The following NRXN3 variants were observed in gnomAD, a reference collection of about 807,000 sequenced individuals.
NRXN3 encodes the protein neurexin 3.
Under a neutral mutation model 137.6 loss-of-function variants are expected in NRXN3, and 32 were observed. That is an observed-to-expected ratio of 0.23 (90% CI 0.18 to 0.31). NRXN3 has a LOEUF of 0.31. Among genes scored for constraint, NRXN3 ranks in the 10% least tolerant of loss-of-function variants. The pLI is 1.00. For missense variants in NRXN3, 1,574 were observed against 2,062.5 expected (o/e 0.76, Z 4.59); for synonymous variants, 798 against 784.5 (o/e 1.02, Z -0.29).
intron 5 of NRXN3, 94 bp downstream of exon 5, chr14:78,645,515 G>A: frequency 9.2e-7 from 1 of 1,086,212 alleles, no homozygotes; most frequent in Non-Finnish European, 1.3e-6. Flanking sequence ...GGTGGAGAGG[G>A]GTGGAGATTC....
At chr14:79,777,906 A>T (rs909554246) in intron 19 of NRXN3, among the ~76,000 whole-genome samples, 1 of 152,078 alleles carries the variant, frequency 6.6e-6, no homozygotes, top group African/African-American at 2.4e-5. Flanking sequence ...TTAACTATTT[A>T]CTATAGCTAC....
intron 16 of NRXN3, among the ~76,000 whole-genome samples, chr14:79,472,945 G>T (rs2096527690): frequency 6.6e-6 from 1 of 152,138 alleles, no homozygotes; most frequent in Non-Finnish European, 1.5e-5. Context: ...TTAATGCTGA[G>T]TGTAAAAAAG....
At chr14:79,106,394 C>T (rs897139838) in intron 15 of NRXN3, among the ~76,000 whole-genome samples, 5 of 151,968 alleles carry the variant, frequency 3.3e-5, no homozygotes, top group Admixed American at 2.0e-4. Flanking sequence ...AGAAGAACTG[C>T]TTTACCCAAG....
intron 8 of NRXN3, among the ~76,000 whole-genome samples, chr14:78,777,391 G>T (rs1292522011): frequency 6.6e-6 from 1 of 152,142 alleles, no homozygotes; most frequent in Non-Finnish European, 1.5e-5. Context: ...GTCGCATGCT[G>T]AGTGACTTGT....
intron 1 of NRXN3, among the ~76,000 whole-genome samples, chr14:78,211,316 G>C (rs2062720459): frequency 6.6e-6 from 1 of 152,204 alleles, no homozygotes; most frequent in African/African-American, 2.4e-5. Context: ...ACACAGAAGG[G>C]GGATGAAGGG....
At chr14:78,390,887 G>A (rs2090661514) in intron 4 of NRXN3, among the ~76,000 whole-genome samples, 1 of 152,072 alleles carries the variant, frequency 6.6e-6, no homozygotes, top group Admixed American at 6.5e-5. Flanking sequence ...CCCATCACTA[G>A]GTATTAAGCC....
intron 16 of NRXN3, among the ~76,000 whole-genome samples, chr14:79,525,081 G>C (rs542199321): frequency 2.6e-5 from 4 of 152,252 alleles, no homozygotes; most frequent in Admixed American, 2.6e-4. Context: ...AGGGAAATTG[G>C]AGTAATATTT....
chr14:79,257,837 A>G (rs1308920629), intron 15 of NRXN3, among the ~76,000 whole-genome samples: 1 of 151,960 alleles, frequency 6.6e-6, no homozygotes, highest in Non-Finnish European at 1.5e-5. Context: ...TTCCTGTAAA[A>G]TTATTGTATT....
chr14:78,383,293 G>C (rs539436970), intron 4 of NRXN3, among the ~76,000 whole-genome samples: 2 of 152,192 alleles, frequency 1.3e-5, no homozygotes, highest in East Asian at 3.9e-4. Context: ...TGCTCATTTC[G>C]TTATGGAAAA....
intron 19 of NRXN3, among the ~76,000 whole-genome samples, chr14:79,754,842 G>T (rs186670743): frequency 6.6e-6 from 1 of 151,790 alleles, no homozygotes; most frequent in Non-Finnish European, 1.5e-5. Flanking sequence ...GGTAGTGGGT[G>T]AGTTCTCACA....
At chr14:79,578,911 C>A (rs1222181634) in intron 16 of NRXN3, among the ~76,000 whole-genome samples, 2 of 152,060 alleles carry the variant, frequency 1.3e-5, no homozygotes, top group Non-Finnish European at 2.9e-5. Flanking sequence ...GTAAGTAAAT[C>A]GTGTTTTAAC....
chr14:78,597,591 C>T (rs2097168249), intron 4 of NRXN3, among the ~76,000 whole-genome samples: 2 of 152,172 alleles, frequency 1.3e-5, no homozygotes, highest in South Asian at 4.1e-4. Context: ...CCTTGGAGAG[C>T]AATCAGAATT....
chr14:78,911,101 G>A (rs1341355565), intron 10 of NRXN3, among the ~76,000 whole-genome samples: 2 of 152,110 alleles, frequency 1.3e-5, no homozygotes, highest in Admixed American at 6.5e-5. Flanking sequence ...CATGCATTGA[G>A]TGTTTGCTAC....
chr14:79,467,276 A>G lies in NRXN3; in HGVS notation c.3318A>G (p.Pro1106=). Residue 1106 remains proline, a synonymous_variant, in exon 16 of 21, where the codon CCA becomes CCG. Coordinates refer to ENST00000335750, the MANE Select transcript of NRXN3 (RefSeq NM_001330195.2). Reference sequence around the variant, plus strand: ...GTGGGCTTATCCTCTACACCTGGCCAGCCAATGACAGGCCCAGCACGCGGT... The same window carrying G: ...GTGGGCTTATCCTCTACACCTGGCCGGCCAATGACAGGCCCAGCACGCGGT... ...KSGGLILYTW[P]ANDRPSTRSD... is the part of the protein sequence containing the mutation. The G allele has an allele frequency of 6.2e-7, 1 of 1,612,958 alleles. No homozygotes were observed. The highest frequency in any genetic ancestry group is 1.1e-5 in the South Asian group (1 of 91,056).
chr14:78,193,697 A>C (rs889019947), intron 1 of NRXN3, among the ~76,000 whole-genome samples: 3 of 148,160 alleles, frequency 2.0e-5, no homozygotes, highest in Non-Finnish European at 3.0e-5. Flanking sequence ...GGAAGGTGGA[A>C]GTTGTAGTGA....
chr14:79,823,957 A>G (rs575876098), intron 20 of NRXN3: 160 of 436,886 alleles, frequency 3.7e-4, no homozygotes, highest in Middle Eastern at 1.0e-3. Context: ...GGCACAAGCT[A>G]TCCTGTAAAT....
chr14:79,751,938 G>A (rs2098999303), intron 19 of NRXN3, among the ~76,000 whole-genome samples: 1 of 152,120 alleles, frequency 6.6e-6, no homozygotes, highest in Admixed American at 6.5e-5. Flanking sequence ...GATCATGGTG[G>A]ATAAGCTTTT....
chr14:79,560,394 G>A (rs750587153), intron 16 of NRXN3, among the ~76,000 whole-genome samples: 2 of 151,308 alleles, frequency 1.3e-5, no homozygotes, highest in Admixed American at 1.3e-4. Flanking sequence ...TGGGTGACCA[G>A]AGAGGACCCC....
rs540331298 is a variant in NRXN3 at position 78,909,350 on chromosome 14, G to A, written c.2276-47892G>A. 5.9e-5 allele frequency among the ~76,000 whole-genome samples: 9 copies of A among 152,212 alleles called. No individual in the cohort carries two copies. The South Asian group carries it at 1.4e-3, about 25-fold the overall frequency. On this transcript the variant is annotated intron_variant, in intron 10 of 20. Transcript: ENST00000335750. ...AAAGGTCATTGCAACAGTTTTTTGG[G>A]CTGCTCAAGGCATTTTGCTTGTTGA...
Sources: gnomAD v4.1 joint callset for allele counts (sites outside exome capture counted in the v4.1 genomes callset) on GRCh38, gnomAD v4.1.1 for gene constraint, MANE v1.5 for transcripts, NCBI Gene and HGNC (gene_info 2026-07-23, HGNC 2026-07-21) for gene names.